PDCD6IP: variants seen among roughly 807,000 people sequenced by gnomAD.
PDCD6IP encodes the protein programmed cell death 6 interacting protein.
A neutral mutation model predicts 103.7 loss-of-function variants in PDCD6IP; 43 were observed. The ratio of observed to expected loss-of-function variants is 0.41; its 90% CI spans 0.32 to 0.53. The LOEUF is 0.53. Ranked by LOEUF, PDCD6IP falls within the 20% of genes least tolerant of loss-of-function variation. The probability of loss-of-function intolerance (pLI) is 0.16; values close to 1 mark genes in which losing one functional copy is unlikely to be tolerated. For missense variants in PDCD6IP, 871 were observed against 1,036.7 expected (o/e 0.84, Z 2.20); for synonymous variants, 354 against 378.7 (o/e 0.93, Z 0.76).
At chr3:33,835,301 T>C (rs751632698) in intron 7 of PDCD6IP, 2 of 456,774 alleles carry the variant, frequency 4.4e-6, no homozygotes, top group South Asian at 3.1e-5. Context: ...CCTGCCTTCA[T>C]GTGAAGGAGT....
intron 16 of PDCD6IP, 137 bp from the exon 17 acceptor site, chr3:33,865,106 C>T: frequency 1.7e-6 from 1 of 577,772 alleles, no homozygotes; most frequent in East Asian, 3.5e-5. Context: ...TAGTAATAAG[C>T]CGGTATTTAA....
Position 33,813,570 on chromosome 3 carries a change from A to T in PDCD6IP, c.276A>T (p.Thr92=). 6.2e-7 allele frequency: 1 copy of T among 1,605,016 alleles called. No individual in the cohort carries two copies. The highest frequency in any genetic ancestry group is 8.5e-7 in the Non-Finnish European group (1 of 1,172,328). Residue 92 remains threonine, a synonymous_variant, in exon 3 of 18, where the codon ACA becomes ACT. Coordinates refer to ENST00000307296, the MANE Select transcript of PDCD6IP (RefSeq NM_013374.6). ...TTCATTCTATCCAGATCTGCTTGAC[A>T]TTTACCTGGAAGGATGCTTTCGATA... ...FPFSENQICL[T]FTWKDAFDKG...
chr3:33,853,517 T>A (rs1184171590), intron 13 of PDCD6IP, among the ~76,000 whole-genome samples: 1 of 152,202 alleles, frequency 6.6e-6, no homozygotes, highest in African/African-American at 2.4e-5. Flanking sequence ...TTTGCCCTTT[T>A]AATAGTTAAT....
chr3:33,849,453 CTG>C (rs1478812118), intron 12 of PDCD6IP, among the ~76,000 whole-genome samples: 4 of 152,152 alleles, frequency 2.6e-5, no homozygotes, highest in Non-Finnish European at 1.5e-5. Context: ...TTAATCCTCT[CTG>C]GTCCCCAAAT....
In PDCD6IP at chr3:33,814,562, A is replaced by G. The variant is rs1354010503; in HGVS notation, c.334+934A>G. On this transcript the variant is annotated intron_variant, in intron 3 of 17. Coordinates refer to ENST00000307296, the MANE Select transcript of PDCD6IP (RefSeq NM_013374.6). The stretch of plus-strand genomic sequence containing the variant: ...TGTATATGTGATATATGTATATTTC[A>G]TGTATATATGTATATTTCATGTATA... Among the ~76,000 whole-genome samples, 10 of 140,544 alleles carry G rather than the reference A, an allele frequency of 7.1e-5. No homozygotes were observed. In the East Asian group the frequency reaches 1.9e-3, roughly 27 times the overall value. 92.2% of individuals were successfully genotyped at this position (140,544 alleles called of 152,430 possible).
At chr3:33,806,899 A>G (rs1314344054) in intron 1 of PDCD6IP, among the ~76,000 whole-genome samples, 4 of 152,196 alleles carry the variant, frequency 2.6e-5, no homozygotes, top group Non-Finnish European at 1.5e-5. Flanking sequence ...TCTTTTGTAA[A>G]GCATTTGTTG....
intron 7 of PDCD6IP, among the ~76,000 whole-genome samples, chr3:33,834,165 C>T (rs952531533): frequency 6.6e-6 from 1 of 152,190 alleles, no homozygotes; most frequent in Non-Finnish European, 1.5e-5. Context: ...CACCAGCTCT[C>T]TTGGGATGAG....
chr3:33,826,719 T>G (rs1461365441), intron 6 of PDCD6IP, 139 bp downstream of exon 6: 1 of 303,966 alleles, frequency 3.3e-6, no homozygotes, highest in Non-Finnish European at 5.0e-6. Flanking sequence ...GTAGAAATAG[T>G]TTTTTTTTTT....
At chr3:33,858,188 G>A (rs1389769653) in intron 15 of PDCD6IP, among the ~76,000 whole-genome samples, 1 of 152,138 alleles carries the variant, frequency 6.6e-6, no homozygotes, top group Non-Finnish European at 1.5e-5. Context: ...CAACAAAAAG[G>A]ATAAAATATA....
chr3:33,837,626 T>C (rs1697379339), intron 8 of PDCD6IP, among the ~76,000 whole-genome samples: 1 of 151,918 alleles, frequency 6.6e-6, no homozygotes, highest in African/African-American at 2.4e-5. Context: ...TCTTGCTCTG[T>C]TGCCCAGGCT....
At chr3:33,831,112 A>G (rs921502089) in intron 7 of PDCD6IP, among the ~76,000 whole-genome samples, 3 of 152,148 alleles carry the variant, frequency 2.0e-5, no homozygotes, top group Non-Finnish European at 2.9e-5. Flanking sequence ...TGAGCTTAAT[A>G]CAGCTCATGA....
chr3:33,840,791 A>G (rs1041592437), intron 9 of PDCD6IP, among the ~76,000 whole-genome samples: 2 of 152,200 alleles, frequency 1.3e-5, no homozygotes, highest in African/African-American at 4.8e-5. Context: ...TTTTGCCTAG[A>G]TGATGTGAAA....
intron 1 of PDCD6IP, among the ~76,000 whole-genome samples, chr3:33,800,423 C>A (rs545796330): frequency 6.6e-6 from 1 of 152,238 alleles, no homozygotes; most frequent in South Asian, 2.1e-4. Context: ...TTGCCCTTAT[C>A]TGAGTCATCC....
At chr3:33,818,633 G>A (rs937972994) in intron 3 of PDCD6IP, among the ~76,000 whole-genome samples, 1 of 147,506 alleles carries the variant, frequency 6.8e-6, no homozygotes, top group African/African-American at 2.5e-5. Flanking sequence ...ATTATCCTGC[G>A]TCAGCTTTCC....
At chr3:33,856,674 T>C (rs1697836638) in intron 15 of PDCD6IP, among the ~76,000 whole-genome samples, 1 of 152,140 alleles carries the variant, frequency 6.6e-6, no homozygotes, top group Non-Finnish European at 1.5e-5. Flanking sequence ...CATCAAGGCA[T>C]ATAAATTATT....
chr3:33,800,909 C>G (rs1696463053), intron 1 of PDCD6IP, among the ~76,000 whole-genome samples: 1 of 152,152 alleles, frequency 6.6e-6, no homozygotes, highest in African/African-American at 2.4e-5. Context: ...GTTCTCCTGT[C>G]AACTTTAAAA....
intron 3 of PDCD6IP, among the ~76,000 whole-genome samples, chr3:33,817,965 C>G (rs1015884575): frequency 3.3e-5 from 5 of 151,586 alleles, no homozygotes; most frequent in African/African-American, 7.3e-5. Flanking sequence ...TTATACATGA[C>G]AAATTGTCAA....
intron 1 of PDCD6IP, chr3:33,799,395 G>A (rs1481249634): frequency 6.4e-6 from 1 of 157,386 alleles, no homozygotes; most frequent in Admixed American, 6.4e-5. Context: ...TGGACCAAAT[G>A]TCTGATCAGC....
chr3:33,802,809 A>C (rs6785686), intron 1 of PDCD6IP, among the ~76,000 whole-genome samples: 43,936 of 151,810 alleles, frequency 0.29, 6,532 homozygotes, highest in East Asian at 0.41. Context: ...CGTTTTTTTG[A>C]GAGTGAACCT....
Sources: allele counts gnomAD v4.1 joint callset (sites outside exome capture counted in the v4.1 genomes callset), GRCh38; gene constraint gnomAD v4.1.1; transcripts MANE v1.5; gene names NCBI Gene and HGNC (gene_info 2026-07-23, HGNC 2026-07-21).